Variants in AGXT2 observed in about 807,000 individuals in gnomAD.
AGXT2 encodes the protein alanine--glyoxylate aminotransferase 2, mitochondrial.
A neutral mutation model predicts 62.5 loss-of-function variants in AGXT2; 61 were observed. That is an observed-to-expected ratio of 0.98 (90% confidence interval 0.79 to 1.21). The LOEUF (loss-of-function observed/expected upper bound fraction) is 1.21, where lower values mean the gene tolerates loss of function less well. Among genes scored for constraint, AGXT2 ranks in the 50% most tolerant of loss-of-function variants. AGXT2 has a pLI of 0.00. For synonymous variants in AGXT2, 243 were observed against 218.7 expected, an observed-to-expected ratio of 1.11 and a Z score of -0.98; for missense variants, 666 against 641.5, an observed-to-expected ratio of 1.04 and a Z score of -0.41.
intron 9 of AGXT2, among the ~76,000 whole-genome samples, chr5:35,023,248 C>T (rs1642130344): frequency 6.6e-6 from 1 of 151,264 alleles, no homozygotes; most frequent in African/African-American, 2.4e-5. Flanking sequence ...ATTTCTTTAT[C>T]AGCAGCATGA....
At chr5:35,047,778 A>AC (rs1768307125) in intron 1 of AGXT2, 27 bp downstream of exon 1, 1 of 1,613,118 alleles carries the variant, frequency 6.2e-7, no homozygotes, top group Non-Finnish European at 8.5e-7. Context: ...TCCTCTACTG[A>AC]CCCACGTCCC....
intron 9 of AGXT2, among the ~76,000 whole-genome samples, chr5:35,022,872 C>T (rs1406429388): frequency 1.3e-5 from 2 of 151,250 alleles, no homozygotes; most frequent in African/African-American, 4.8e-5. Flanking sequence ...TATTGTTTTT[C>T]TTCTACATTT....
At chr5:35,026,013 A>G in intron 8 of AGXT2, 158 bp from the exon 9 acceptor site, 1 of 704,000 alleles carries the variant, frequency 1.4e-6, no homozygotes, top group Non-Finnish European at 2.5e-6. Flanking sequence ...TGAAAAGAGG[A>G]CTTATTACTC....
In AGXT2 at chr5:35,004,650, T is replaced by A. The variant is rs529130471; in HGVS notation, c.1339-789A>T. Among the ~76,000 whole-genome samples, 170 of 152,368 alleles carry A rather than the reference T, an allele frequency of 1.1e-3. 2 individuals are homozygous for A. Among genetic ancestry groups the A allele is most frequent in the African/African-American group, 3.9e-3 (162 of 41,588 alleles). On this transcript the variant is annotated intron_variant, in intron 12 of 13. Coordinates refer to ENST00000231420, the MANE Select transcript of AGXT2 (RefSeq NM_031900.4). ...TCAAATGACAGATATTTGGGCCTCA[T>A]GCTAGGCCAATCAAATTAGAATATT...
intron 9 of AGXT2, among the ~76,000 whole-genome samples, chr5:35,019,666 T>A (rs945130689): frequency 1.1e-4 from 17 of 151,796 alleles, no homozygotes; most frequent in African/African-American, 3.9e-4. Flanking sequence ...TTAAAAGAAC[T>A]AGAAAAGCAA....
chr5:35,018,100 G>T (rs909538656), intron 9 of AGXT2, among the ~76,000 whole-genome samples: 2 of 152,200 alleles, frequency 1.3e-5, no homozygotes, highest in African/African-American at 4.8e-5. Context: ...CGTCTGATTG[G>T]TGTACCTGAA....
At chr5:35,022,467 G>A (rs948471126) in intron 9 of AGXT2, among the ~76,000 whole-genome samples, 6 of 150,652 alleles carry the variant, frequency 4.0e-5, no homozygotes, top group South Asian at 4.2e-4. Flanking sequence ...GTAAAATATC[G>A]CAAGAACAAA....
At chr5:35,022,661 C>T (rs948585288) in intron 9 of AGXT2, among the ~76,000 whole-genome samples, 4 of 146,998 alleles carry the variant, frequency 2.7e-5, no homozygotes, top group African/African-American at 1.0e-4. Flanking sequence ...CAGCATGGCA[C>T]ATGTATACAT....
intron 9 of AGXT2, among the ~76,000 whole-genome samples, chr5:35,016,996 A>G (rs1028081706): frequency 5.9e-5 from 9 of 152,142 alleles, no homozygotes; most frequent in African/African-American, 2.2e-4. Flanking sequence ...CTATGCCAAT[A>G]TGGGCCCAGA....
intron 10 of AGXT2, 56 bp downstream of exon 10, chr5:35,013,931 A>G: frequency 6.2e-7 from 1 of 1,612,820 alleles, no homozygotes; most frequent in Non-Finnish European, 8.5e-7. Context: ...CACGTGTTAT[A>G]CCATAGCCCA....
At chr5:35,032,111 C>T (rs1389863285) in intron 7 of AGXT2, among the ~76,000 whole-genome samples, 2 of 151,628 alleles carry the variant, frequency 1.3e-5, no homozygotes, top group Non-Finnish European at 2.9e-5. Context: ...CACTACCATG[C>T]CTAGCTAATT....
rs1767320711 is a variant in AGXT2 at position 35,025,850 on chromosome 5, C to A, written c.876G>T (p.Val292=). 1 of 1,613,980 alleles carries A rather than the reference C, an allele frequency of 6.2e-7. No homozygotes were observed. Among genetic ancestry groups the A allele is most frequent in the Non-Finnish European group, 8.5e-7 (1 of 1,179,972 alleles). The change falls in exon 9 of 14, where the codon GTG becomes GTT. Residue 292 remains valine (V), a synonymous_variant. Transcript: ENST00000231420. Reference sequence around the variant, plus strand: ...CCTTTGGGTACTGGACAACTCCATTCACACCCTGCAAAAGACCAGACCAAG... The same window carrying A: ...CCTTTGGGTACTGGACAACTCCATTAACACCCTGCAAAAGACCAGACCAAG... ...AGFFAEPIQG[V]NGVVQYPKGF...
chr5:35,034,198 T>C lies in AGXT2; in HGVS notation c.582-645A>G, dbSNP rs150904025. ...CAAAAGTAATTGTGGTTTTTGCCAT[T>C]ACTTTTAATGGCAGAAATCTCAATT... On this transcript the variant is annotated intron_variant, in intron 5 of 13. Coordinates refer to ENST00000231420, the MANE Select transcript of AGXT2 (RefSeq NM_031900.4). Among the ~76,000 whole-genome samples, 486 of 152,204 alleles carry C rather than the reference T, an allele frequency of 3.2e-3. 5 individuals carry two copies. Among genetic ancestry groups the C allele is most frequent in the African/African-American group, 0.011 (466 of 41,536 alleles).
chr5:35,013,131 C>T (rs377751540), intron 10 of AGXT2, 86 bp from the exon 11 acceptor site: 33 of 1,208,450 alleles, frequency 2.7e-5, no homozygotes, highest in East Asian at 2.3e-4. Flanking sequence ...ACAGTTACTT[C>T]GTGTTGTAAA....
At chr5:35,016,308 T>C (rs1766849283) in intron 9 of AGXT2, among the ~76,000 whole-genome samples, 1 of 152,246 alleles carries the variant, frequency 6.6e-6, no homozygotes, top group African/African-American at 2.4e-5. Context: ...ACTGTGATGA[T>C]GTCTTTTAGG....
chr5:35,036,901 T>TC (rs774614200), intron 4 of AGXT2, 41 bp downstream of exon 4: 30 of 1,612,362 alleles, frequency 1.9e-5, no homozygotes, highest in African/African-American at 6.7e-5. Flanking sequence ...ACCTTTTTTT[T>TC]TCCCCCATAA....
intron 5 of AGXT2, among the ~76,000 whole-genome samples, chr5:35,033,892 T>A (rs951202365): frequency 2.0e-5 from 3 of 152,160 alleles, no homozygotes; most frequent in African/African-American, 7.2e-5. Context: ...ATACCAGTCT[T>A]CGAAGTAGTC....
At chr5:35,041,765 T>TAATGA (rs1272859739) in intron 1 of AGXT2, among the ~76,000 whole-genome samples, 1 of 152,204 alleles carries the variant, frequency 6.6e-6, no homozygotes, top group Non-Finnish European at 1.5e-5. Context: ...CTGAGAAACA[T>TAATGA]AATGAACAAT....
intron 8 of AGXT2, 154 bp downstream of exon 8, chr5:35,026,252 AAGTC>A: frequency 1.4e-6 from 1 of 696,668 alleles, no homozygotes; most frequent in Non-Finnish European, 2.5e-6. Context: ...GGTCATTTGA[AAGTC>A]AGCGTCTTCT....
Sources: allele counts gnomAD v4.1 joint callset (sites outside exome capture counted in the v4.1 genomes callset), GRCh38; gene constraint gnomAD v4.1.1; transcripts MANE v1.5; gene names NCBI Gene and HGNC (gene_info 2026-07-23, HGNC 2026-07-21).